SRGAP3: variants seen among roughly 807,000 people sequenced by gnomAD.
SRGAP3 encodes SLIT-ROBO Rho GTPase-activating protein 3.
SRGAP3 carries 39 observed loss-of-function variants against 121.1 expected under a neutral mutation model. The ratio of observed to expected loss-of-function variants is 0.32; its 90% confidence interval spans 0.25 to 0.42. SRGAP3 has a LOEUF of 0.42. Among genes scored for constraint, SRGAP3 ranks in the 10% least tolerant of loss-of-function variants. SRGAP3 has a pLI of 1.00. For missense variants in SRGAP3, 1,213 were observed against 1,470.6 expected (o/e 0.82, Z 2.86); for synonymous variants, 601 against 570.0 (o/e 1.05, Z -0.77).
intron 1 of SRGAP3, among the ~76,000 whole-genome samples, chr3:9,356,361 T>G (rs2030510831): frequency 4.0e-4 from 3 of 7,514 alleles, no homozygotes; most frequent in Non-Finnish European, 3.8e-4. Flanking sequence ...CCAGCTAATT[T>G]TTTTTTTTTT....
At chr3:9,357,558 A>G (rs1575034326) in intron 1 of SRGAP3, among the ~76,000 whole-genome samples, 1 of 151,796 alleles carries the variant, frequency 6.6e-6, no homozygotes, top group East Asian at 1.9e-4. Flanking sequence ...TTTATCCTTA[A>G]GGAATAGAGA....
At chr3:9,335,336 A>G (rs1955673684) in intron 1 of SRGAP3, among the ~76,000 whole-genome samples, 2 of 152,198 alleles carry the variant, frequency 1.3e-5, no homozygotes, top group Admixed American at 1.3e-4. Flanking sequence ...GAGTGAATTT[A>G]TATGTGTGTA....
At chr3:9,010,258 G>A in intron 18 of SRGAP3, 50 bp downstream of exon 18, 1 of 1,606,736 alleles carries the variant, frequency 6.2e-7, no homozygotes, top group Non-Finnish European at 8.5e-7. Context: ...AAAAGTCAGT[G>A]TGAGAGGCCC....
chr3:8,993,099 G>A, intron 19 of SRGAP3, 44 bp from the exon 20 acceptor site: 2 of 1,611,690 alleles, frequency 1.2e-6, no homozygotes, highest in Non-Finnish European at 1.7e-6. Flanking sequence ...TTCCCCCAAA[G>A]AACCCAGCAT....
Position 9,323,382 on chromosome 3 carries a change from G to A in SRGAP3, n.442+2628C>T, listed in dbSNP as rs1451590259. On this transcript the variant is annotated intron_variant and non_coding_transcript_variant, in intron 3 of 3. Coordinates refer to the SRGAP3 transcript ENST00000490889. ...TAAATTTGGAAAATACTGTGTTAAA[G>A]TGAAATAAGAATCTTTATCACAGGA... is the stretch of plus-strand genomic sequence containing the variant. Among the ~76,000 whole-genome samples the A allele has an allele frequency of 1.3e-5, 2 of 151,906 alleles. 1 individual carries two copies. Among genetic ancestry groups the A allele is most frequent in the East Asian group, 3.8e-4 (2 of 5,204 alleles).
chr3:8,991,213 T>A (rs583509), intron 20 of SRGAP3, among the ~76,000 whole-genome samples: 90,837 of 151,948 alleles, frequency 0.6, 27,217 homozygotes, highest in South Asian at 0.78. Flanking sequence ...CAGTTCAGAC[T>A]TTTCCATGAT....
At chr3:9,359,790 C>T (rs1399626688) in intron 1 of SRGAP3, among the ~76,000 whole-genome samples, 1 of 152,202 alleles carries the variant, frequency 6.6e-6, no homozygotes, top group Non-Finnish European at 1.5e-5. Flanking sequence ...CACAGTATTC[C>T]ATTCCTTTTT....
chr3:9,265,531 A>T (rs1954341655), intron 3 of SRGAP3, among the ~76,000 whole-genome samples: 1 of 152,088 alleles, frequency 6.6e-6, no homozygotes, highest in African/African-American at 2.4e-5. Context: ...TTTACAAGAA[A>T]AAAAAACCCC....
chr3:9,092,295 C>A (rs1318266616), intron 3 of SRGAP3, among the ~76,000 whole-genome samples: 1 of 152,118 alleles, frequency 6.6e-6, no homozygotes, highest in Non-Finnish European at 1.5e-5. Context: ...ACGGATAATA[C>A]TAAATATTAT....
At chr3:9,045,416 G>C (rs1033648672) in intron 10 of SRGAP3, among the ~76,000 whole-genome samples, 2 of 152,088 alleles carry the variant, frequency 1.3e-5, no homozygotes, top group Non-Finnish European at 2.9e-5. Flanking sequence ...AGAGAGACTG[G>C]TAGAGCAATC....
At chr3:9,135,039 T>G (rs1479892092) in intron 1 of SRGAP3, among the ~76,000 whole-genome samples, 2 of 152,202 alleles carry the variant, frequency 1.3e-5, no homozygotes, top group Non-Finnish European at 2.9e-5. Context: ...TTCCATATAT[T>G]GGTACCATAT....
At chr3:9,021,425 C>T (rs35947295) in intron 14 of SRGAP3, among the ~76,000 whole-genome samples, 38,003 of 150,550 alleles carry the variant, frequency 0.25, 4,907 homozygotes, top group African/African-American at 0.28. Context: ...GTTTTTTTTT[C>T]TCTCTCTCCT....
chr3:9,202,755 T>C (rs1035838250), intron 1 of SRGAP3, among the ~76,000 whole-genome samples: 17 of 152,264 alleles, frequency 1.1e-4, no homozygotes, highest in Admixed American at 8.5e-4. Context: ...CTGAGGCTTC[T>C]AGTGTTGTCC....
rs546527066 is a variant in SRGAP3, at chr3:9,049,042, C to T, written c.1324-1567G>A. On this transcript the variant is annotated intron_variant, in intron 9 of 21. Transcript: ENST00000383836. ...GATGTGCCTGCCCCAAATCCACCTG[C>T]TAGTTTCTCAAAGAGAAACCCACTC... 8.5e-5 allele frequency among the ~76,000 whole-genome samples: 13 copies of T among 152,232 alleles called. No individual in the cohort carries two copies. The South Asian group carries it at 2.7e-3, about 32-fold the overall frequency.
At chr3:9,247,502 T>G (rs1953866125) in intron 1 of SRGAP3, among the ~76,000 whole-genome samples, 1 of 152,154 alleles carries the variant, frequency 6.6e-6, no homozygotes, top group Non-Finnish European at 1.5e-5. Context: ...CCCCCGTGGC[T>G]GCTCCACTCC....
chr3:9,107,554 C>T (rs1039134137), intron 2 of SRGAP3, among the ~76,000 whole-genome samples: 38 of 152,214 alleles, frequency 2.5e-4, no homozygotes, highest in African/African-American at 9.2e-4. Flanking sequence ...GATGATACCT[C>T]CCTAGAGAAC....
rs1367388850 is a variant in SRGAP3 at position 9,002,181 on chromosome 3, T to C, written c.2228-7658A>G. On this transcript the variant is annotated intron_variant, in intron 18 of 21. Coordinates refer to ENST00000383836, the MANE Select transcript of SRGAP3 (RefSeq NM_014850.4). ...TAGTCCATAAAACAAACCTCAATAATTCAAAATCATACAAATAATACAAAA... is the reference window on the plus strand; with the variant it reads ...TAGTCCATAAAACAAACCTCAATAACTCAAAATCATACAAATAATACAAAA... 2.0e-5 allele frequency among the ~76,000 whole-genome samples: 3 copies of C among 152,244 alleles called. No homozygotes were observed. The East Asian group carries it at 5.8e-4, about 29-fold the overall frequency.
chr3:9,033,083 A>G (rs1340981043), intron 11 of SRGAP3, among the ~76,000 whole-genome samples: 1 of 152,228 alleles, frequency 6.6e-6, no homozygotes, highest in Non-Finnish European at 1.5e-5. Context: ...TGGAGGGGGA[A>G]TCAGGGGAGA....
At chr3:9,013,667 G>A in intron 16 of SRGAP3, 70 bp downstream of exon 16, 2 of 1,574,060 alleles carry the variant, frequency 1.3e-6, no homozygotes, top group East Asian at 2.2e-5. Context: ...ATCTGCAAAA[G>A]CCTCAAGATA....
Sources: allele counts gnomAD v4.1 joint callset (sites outside exome capture counted in the v4.1 genomes callset), GRCh38; gene constraint gnomAD v4.1.1; transcripts MANE v1.5; gene names NCBI Gene and HGNC (gene_info 2026-07-23, HGNC 2026-07-21).